GREB1L: variants seen among roughly 807,000 people sequenced by gnomAD.
GREB1L encodes the protein GREB1 like retinoic acid receptor coactivator.
In GREB1L, 17 loss-of-function variants were observed where a neutral mutation model predicts 200.8. The ratio of observed to expected loss-of-function variants is 0.08; its 90% CI spans 0.06 to 0.13. GREB1L has a LOEUF of 0.13. Ranked by LOEUF, GREB1L falls within the 10% of genes least tolerant of loss-of-function variation. The pLI, the probability that GREB1L is intolerant of heterozygous loss-of-function variation, is 1.00. For synonymous variants in GREB1L, 789 were observed against 893.0 expected (o/e 0.88, Z 2.08); for missense variants, 1,657 against 2,367.7 (o/e 0.70, Z 6.23).
chr18:21,473,772 G>A (rs1297592479), intron 16 of GREB1L, among the ~76,000 whole-genome samples: 1 of 152,006 alleles, frequency 6.6e-6, no homozygotes, highest in Admixed American at 6.6e-5. Context: ...GGACATACCC[G>A]AGACTGGGAA....
intron 32 of GREB1L, among the ~76,000 whole-genome samples, chr18:21,522,004 C>CAAAAAAA (rs59115973): frequency 9.7e-5 from 3 of 30,984 alleles, no homozygotes; most frequent in Non-Finnish European, 1.7e-4. Context: ...ACTCCGTCTC[C>CAAAAAAA]AAAAAAAAAA....
At chr18:21,280,611 TGTC>T (rs898281584) in intron 1 of GREB1L, among the ~76,000 whole-genome samples, 1 of 152,216 alleles carries the variant, frequency 6.6e-6, no homozygotes, top group Admixed American at 6.5e-5. Context: ...ATACATATAT[TGTC>T]TTCTCTTCCA....
At chr18:21,340,577 C>G (rs940583392) in intron 1 of GREB1L, among the ~76,000 whole-genome samples, 10 of 150,598 alleles carry the variant, frequency 6.6e-5, no homozygotes, top group Non-Finnish European at 1.2e-4. Context: ...GAGTCTTGCT[C>G]TGTCGCCCAG....
chr18:21,246,927 T>G (rs944950003), intron 1 of GREB1L, among the ~76,000 whole-genome samples: 1 of 152,216 alleles, frequency 6.6e-6, no homozygotes, highest in Non-Finnish European at 1.5e-5. Context: ...ATCTTTTGGC[T>G]ACAAATGGAT....
At chr18:21,386,333 C>T (rs1415646366) in intron 4 of GREB1L, among the ~76,000 whole-genome samples, 1 of 152,034 alleles carries the variant, frequency 6.6e-6, no homozygotes, top group Non-Finnish European at 1.5e-5. Context: ...ACTGTGTTGC[C>T]CAGGCTGGAG....
intron 1 of GREB1L, among the ~76,000 whole-genome samples, chr18:21,335,954 C>T (rs1011404049): frequency 4.6e-5 from 7 of 152,130 alleles, no homozygotes; most frequent in African/African-American, 1.2e-4. Context: ...TGAGCCACTG[C>T]ACCCGGCCGT....
At chr18:21,459,990 C>T (rs1460838335) in intron 15 of GREB1L, among the ~76,000 whole-genome samples, 1 of 152,184 alleles carries the variant, frequency 6.6e-6, no homozygotes, top group African/African-American at 2.4e-5. Flanking sequence ...GACTGCCCGC[C>T]TCGTCATACC....
chr18:21,477,391 T>G (rs754762428), intron 17 of GREB1L, 35 bp downstream of exon 17: 1 of 1,471,154 alleles, frequency 6.8e-7, no homozygotes, highest in South Asian at 1.3e-5. Flanking sequence ...TACACTGTCA[T>G]GTTCTCAGTT....
rs1245633339 is a variant in GREB1L, at chr18:21,444,333, A to G, written c.1317A>G (p.Lys439=). 6.4e-6 allele frequency: 10 copies of G among 1,552,088 alleles called. 1 individual carries two copies. In the South Asian group the frequency reaches 7.1e-5, roughly 11 times the overall value. ...IPQLENKDLE[K]LGLTGSQFLS... is the part of the protein sequence containing the mutation. The stretch of plus-strand genomic sequence containing the variant: ...AGTTGGAAAACAAAGATTTGGAAAA[A>G]TTAGGGTTGACCGGCAGCCAATTTC... The change falls in exon 11 of 33, where the codon AAA becomes AAG. Residue 439 remains lysine (K), a synonymous_variant. Transcript: ENST00000424526.
chr18:21,379,820 C>T (rs1181013764), intron 2 of GREB1L, among the ~76,000 whole-genome samples: 3 of 152,144 alleles, frequency 2.0e-5, no homozygotes, highest in Non-Finnish European at 4.4e-5. Flanking sequence ...TAAATTACTT[C>T]TGAGCTTTAA....
intron 2 of GREB1L, among the ~76,000 whole-genome samples, chr18:21,372,266 G>A (rs971756636): frequency 6.6e-6 from 1 of 150,966 alleles, no homozygotes. Flanking sequence ...ATCTGCCTCA[G>A]TCTCCCAAGT....
chr18:21,414,998 A>G (rs2144761512), intron 7 of GREB1L, among the ~76,000 whole-genome samples: 1 of 152,290 alleles, frequency 6.6e-6, no homozygotes, highest in Non-Finnish European at 1.5e-5. Flanking sequence ...AGACCATGAT[A>G]TAGGGAGAGG....
At chr18:21,254,158 C>T (rs1200761739) in intron 1 of GREB1L, among the ~76,000 whole-genome samples, 17 of 149,976 alleles carry the variant, frequency 1.1e-4, no homozygotes, top group Non-Finnish European at 2.4e-4. Flanking sequence ...CAGCTTCCAC[C>T]TCCCGGGTTC....
chr18:21,418,280 G>T (rs1288649715), intron 7 of GREB1L, among the ~76,000 whole-genome samples: 1 of 152,222 alleles, frequency 6.6e-6, no homozygotes, highest in Non-Finnish European at 1.5e-5. Context: ...ACAAGGGCTT[G>T]ATTCCAGAAC....
intron 1 of GREB1L, among the ~76,000 whole-genome samples, chr18:21,299,521 C>CTTTTTTTTT (rs1236833221): frequency 2.1e-5 from 3 of 141,742 alleles, no homozygotes; most frequent in African/African-American, 2.6e-5. Flanking sequence ...ATTTGGGTTT[C>CTTTTTTTTT]TTTTTTTTTT....
intron 1 of GREB1L, among the ~76,000 whole-genome samples, chr18:21,342,118 G>A (rs746887061): frequency 6.6e-6 from 1 of 152,024 alleles, no homozygotes; most frequent in Admixed American, 6.6e-5. Context: ...TGCTTATAGG[G>A]TCTCTAAATG....
At chr18:21,313,514 G>A (rs1330909524) in intron 1 of GREB1L, among the ~76,000 whole-genome samples, 1 of 152,148 alleles carries the variant, frequency 6.6e-6, no homozygotes, top group Non-Finnish European at 1.5e-5. Flanking sequence ...AGACAAGGTT[G>A]CCCAGCTAAT....
intron 1 of GREB1L, among the ~76,000 whole-genome samples, chr18:21,298,329 G>C (rs1473681000): frequency 6.6e-6 from 1 of 151,756 alleles, no homozygotes; most frequent in Non-Finnish European, 1.5e-5. Context: ...CTCTTTACTA[G>C]TTCAACAAGT....
intron 1 of GREB1L, among the ~76,000 whole-genome samples, chr18:21,261,763 T>C (rs894157312): frequency 1.1e-4 from 16 of 152,154 alleles, no homozygotes; most frequent in Admixed American, 7.9e-4. Context: ...AAAATTTACT[T>C]AAGCCACATA....
Sources: allele counts gnomAD v4.1 joint callset (sites outside exome capture counted in the v4.1 genomes callset), GRCh38; gene constraint gnomAD v4.1.1; transcripts MANE v1.5; gene names NCBI Gene and HGNC (gene_info 2026-07-23, HGNC 2026-07-21).